KIF6: variants seen among roughly 807,000 people sequenced by gnomAD.
KIF6 encodes kinesin-like protein KIF6.
Under a neutral mutation model 112.7 loss-of-function variants are expected in KIF6, and 106 were observed. The ratio of observed to expected loss-of-function variants is 0.94; its 90% CI spans 0.80 to 1.11. KIF6 has a LOEUF of 1.11. Ranked by LOEUF, KIF6 falls within the 50% of genes least tolerant of loss-of-function variation. KIF6 has a pLI of 0.00. For synonymous variants in KIF6, 339 were observed against 339.9 expected (o/e 1.00, Z 0.03); for missense variants, 929 against 964.0 (o/e 0.96, Z 0.48).
chr6:39,417,593 C>T (rs1441099494), intron 15 of KIF6, among the ~76,000 whole-genome samples: 1 of 152,158 alleles, frequency 6.6e-6, no homozygotes, highest in Non-Finnish European at 1.5e-5. Context: ...TTGGTTGGCC[C>T]TTGGCTCTTG....
chr6:39,641,820 A>C (rs1784915775), intron 3 of KIF6, among the ~76,000 whole-genome samples: 1 of 152,116 alleles, frequency 6.6e-6, no homozygotes, highest in South Asian at 2.1e-4. Context: ...CTTCTTTCTC[A>C]CTGCCAGTTG....
intron 9 of KIF6, among the ~76,000 whole-genome samples, chr6:39,581,898 G>T (rs896170705): frequency 6.6e-6 from 1 of 152,070 alleles, no homozygotes; most frequent in Admixed American, 6.5e-5. Flanking sequence ...AGGTATATAG[G>T]TGAGTTTCAG....
chr6:39,482,465 C>T (rs1774859290), intron 13 of KIF6, among the ~76,000 whole-genome samples: 1 of 152,152 alleles, frequency 6.6e-6, no homozygotes, highest in Admixed American at 6.5e-5. Flanking sequence ...GAGGCTGAAC[C>T]TGAAGTGGGT....
chr6:39,707,152 C>T (rs761740107), intron 3 of KIF6, among the ~76,000 whole-genome samples: 2 of 152,202 alleles, frequency 1.3e-5, no homozygotes, highest in Non-Finnish European at 2.9e-5. Flanking sequence ...TAAGCAATCA[C>T]CACTGCCATC....
At chr6:39,445,963 G>A (rs1772283017) in intron 13 of KIF6, among the ~76,000 whole-genome samples, 1 of 152,222 alleles carries the variant, frequency 6.6e-6, no homozygotes, top group Non-Finnish European at 1.5e-5. Flanking sequence ...TTCCCAGGCA[G>A]AGACCCAATG....
At chr6:39,522,819 T>C (rs1465451332) in intron 13 of KIF6, among the ~76,000 whole-genome samples, 2 of 152,196 alleles carry the variant, frequency 1.3e-5, no homozygotes, top group Non-Finnish European at 2.9e-5. Flanking sequence ...ACTCTGCCAA[T>C]ACTGGGGCTC....
intron 13 of KIF6, among the ~76,000 whole-genome samples, chr6:39,495,219 G>A (rs1775713781): frequency 1.3e-5 from 2 of 152,186 alleles, no homozygotes; most frequent in Admixed American, 6.5e-5. Context: ...GGAGGACTCC[G>A]TCTGAGCTCT....
At chr6:39,435,947 C>A (rs1385920479) in intron 13 of KIF6, among the ~76,000 whole-genome samples, 4 of 152,112 alleles carry the variant, frequency 2.6e-5, no homozygotes, top group African/African-American at 9.7e-5. Flanking sequence ...ATAGCGTTTT[C>A]CATAGAAATT....
chr6:39,598,577 A>ATGTG (rs70984133), intron 6 of KIF6, among the ~76,000 whole-genome samples: 21,510 of 147,846 alleles, frequency 0.15, 1,520 homozygotes, highest in South Asian at 0.23. Flanking sequence ...ATACATATAT[A>ATGTG]TGTGTGTGTG....
intron 3 of KIF6, among the ~76,000 whole-genome samples, chr6:39,679,819 G>A (rs112131501): frequency 1.6e-3 from 235 of 151,004 alleles, no homozygotes; most frequent in African/African-American, 5.4e-3. Context: ...GGGTTTCACC[G>A]TGTTAGCCAG....
intron 3 of KIF6, among the ~76,000 whole-genome samples, chr6:39,688,373 C>T (rs1047396565): frequency 6.6e-6 from 1 of 152,116 alleles, no homozygotes. Flanking sequence ...CTTCACTGTA[C>T]TGGGAAACAC....
At chr6:39,437,770 C>T (rs1391049052) in intron 13 of KIF6, among the ~76,000 whole-genome samples, 2 of 152,120 alleles carry the variant, frequency 1.3e-5, no homozygotes, top group African/African-American at 2.4e-5. Flanking sequence ...GCATGTACGA[C>T]GGTGGTCCCA....
At chr6:39,454,687 G>A (rs552284529) in intron 13 of KIF6, among the ~76,000 whole-genome samples, 3 of 152,320 alleles carry the variant, frequency 2.0e-5, no homozygotes, top group African/African-American at 4.8e-5. Context: ...CCGAAGCAGG[G>A]CGAGGCATTG....
At chr6:39,386,669 G>A (rs1235159305) in intron 15 of KIF6, among the ~76,000 whole-genome samples, 1 of 152,006 alleles carries the variant, frequency 6.6e-6, no homozygotes, top group Non-Finnish European at 1.5e-5. Flanking sequence ...GGTTGTTAGA[G>A]TGAGAATTCC....
intron 13 of KIF6, among the ~76,000 whole-genome samples, chr6:39,470,685 A>G (rs1050452556): frequency 2.0e-5 from 3 of 151,336 alleles, no homozygotes; most frequent in African/African-American, 4.8e-5. Flanking sequence ...ATGTGTAACC[A>G]TCTACTGACA....
intron 5 of KIF6, among the ~76,000 whole-genome samples, chr6:39,619,074 CTAAG>C (rs1369525292): frequency 1.3e-5 from 2 of 152,212 alleles, no homozygotes; most frequent in East Asian, 1.9e-4. Flanking sequence ...GTTTTAGAAA[CTAAG>C]TTAGTTAATA....
chr6:39,697,053 T>C (rs1788583772), intron 3 of KIF6, among the ~76,000 whole-genome samples: 1 of 152,206 alleles, frequency 6.6e-6, no homozygotes, highest in Non-Finnish European at 1.5e-5. Flanking sequence ...CTCCTAGGTA[T>C]CTTCTAATTG....
In KIF6 at chr6:39,440,831, T is replaced by C. The variant is rs532308627; in HGVS notation, c.1646-9670A>G. 3.3e-5 allele frequency among the ~76,000 whole-genome samples: 5 copies of C among 151,762 alleles called. No homozygotes were observed. In the South Asian group the frequency reaches 1.0e-3, roughly 32 times the overall value. ...GTCAGTGAGCCCACACTCTTGGGAG[T>C]GGTGCTGGATGTCTCCAGGGGCATA... On this transcript the variant is annotated intron_variant, in intron 13 of 22. Transcript: ENST00000287152.
At chr6:39,372,940 G>A (rs993070089) in intron 16 of KIF6, among the ~76,000 whole-genome samples, 1 of 152,166 alleles carries the variant, frequency 6.6e-6, no homozygotes, top group Non-Finnish European at 1.5e-5. Context: ...CTGGGGAGAT[G>A]GGAAAGTCTT....
Sources: gnomAD v4.1 joint callset for allele counts (sites outside exome capture counted in the v4.1 genomes callset) on GRCh38, gnomAD v4.1.1 for gene constraint, MANE v1.5 for transcripts, NCBI Gene and HGNC (gene_info 2026-07-23, HGNC 2026-07-21) for gene names.